DPYD: variants seen among roughly 807,000 people sequenced by gnomAD.
The protein encoded by DPYD is dihydropyrimidine dehydrogenase [NADP(+)].
A neutral mutation model predicts 116.2 loss-of-function variants in DPYD; 109 were observed. That is an observed-to-expected ratio of 0.94 (90% confidence interval 0.80 to 1.10). The LOEUF is 1.10. DPYD is among the 50% of genes least tolerant of loss of function. DPYD has a pLI of 0.00. For missense variants in DPYD, 1,302 were observed against 1,254.5 expected (o/e 1.04, Z -0.57); for synonymous variants, 440 against 432.0 (o/e 1.02, Z -0.23).
intron 2 of DPYD, among the ~76,000 whole-genome samples, chr1:97,843,651 T>C (rs1296710738): frequency 1.3e-5 from 2 of 152,204 alleles, no homozygotes; most frequent in Admixed American, 1.3e-4. Context: ...TTTCTTTCCA[T>C]AAGAAGTCAA....
At chr1:97,470,106 A>G (rs530966370) in intron 13 of DPYD, among the ~76,000 whole-genome samples, 1 of 152,346 alleles carries the variant, frequency 6.6e-6, no homozygotes, top group African/African-American at 2.4e-5. Flanking sequence ...ACAGGTATAT[A>G]TTGATTCTCA....
At chr1:97,544,532 G>T (rs953361428) in intron 12 of DPYD, among the ~76,000 whole-genome samples, 1 of 151,768 alleles carries the variant, frequency 6.6e-6, no homozygotes, top group East Asian at 1.9e-4. Flanking sequence ...ATAGCTAAAG[G>T]TCTGTTTCTC....
intron 3 of DPYD, among the ~76,000 whole-genome samples, chr1:97,756,477 T>C (rs886321573): frequency 1.3e-5 from 2 of 152,188 alleles, no homozygotes; most frequent in Non-Finnish European, 2.9e-5. Flanking sequence ...ATGCCTTCCA[T>C]ATGATGAGAC....
At chr1:97,399,423 A>T (rs1223190898) in intron 14 of DPYD, among the ~76,000 whole-genome samples, 1 of 151,998 alleles carries the variant, frequency 6.6e-6, no homozygotes, top group Non-Finnish European at 1.5e-5. Context: ...TTGACTTGGC[A>T]ATGTGGGCTC....
At chr1:97,822,423 TTA>T (rs1273559754) in intron 3 of DPYD, among the ~76,000 whole-genome samples, 1 of 148,464 alleles carries the variant, frequency 6.7e-6, no homozygotes, top group Non-Finnish European at 1.5e-5. Context: ...ATATATACAT[TTA>T]TATATATTTA....
At chr1:97,285,031 G>A (rs944224338) in intron 18 of DPYD, among the ~76,000 whole-genome samples, 17 of 152,142 alleles carry the variant, frequency 1.1e-4, no homozygotes, top group African/African-American at 2.4e-4. Flanking sequence ...TGATGCTAAC[G>A]GGTCTGGATC....
chr1:97,912,894 G>A (rs1674027176), intron 1 of DPYD, among the ~76,000 whole-genome samples: 1 of 152,094 alleles, frequency 6.6e-6, no homozygotes, highest in Non-Finnish European at 1.5e-5. Flanking sequence ...AAGCTCTCAG[G>A]TCACTGTGGT....
chr1:97,348,802 T>C (rs114588763), intron 16 of DPYD, among the ~76,000 whole-genome samples: 2,048 of 152,160 alleles, frequency 0.013, 21 homozygotes, highest in Middle Eastern at 0.034. Context: ...TCTCATGCAG[T>C]TGGCGGACAG....
intron 13 of DPYD, among the ~76,000 whole-genome samples, chr1:97,484,430 A>G (rs1678501636): frequency 6.6e-6 from 1 of 152,234 alleles, no homozygotes; most frequent in Non-Finnish European, 1.5e-5. Context: ...TTTTCACTCT[A>G]GAATTTTCTA....
intron 3 of DPYD, among the ~76,000 whole-genome samples, chr1:97,764,928 T>C (rs994200733): frequency 6.6e-6 from 1 of 152,192 alleles, no homozygotes; most frequent in Non-Finnish European, 1.5e-5. Flanking sequence ...TGAGATGTTA[T>C]AGTTTAAGTA....
intron 8 of DPYD, among the ~76,000 whole-genome samples, chr1:97,638,267 G>C (rs1657682993): frequency 6.6e-6 from 1 of 152,116 alleles, no homozygotes; most frequent in Admixed American, 6.5e-5. Flanking sequence ...GAGGCACACA[G>C]ACATATGTAC....
chr1:97,655,693 T>A (rs1221484963), intron 8 of DPYD, among the ~76,000 whole-genome samples: 3 of 152,260 alleles, frequency 2.0e-5, no homozygotes, highest in East Asian at 3.9e-4. Flanking sequence ...AGCATAGGAA[T>A]ACACAAAGCA....
chr1:97,700,495 A>G (rs1039440209), intron 5 of DPYD, among the ~76,000 whole-genome samples: 1 of 152,016 alleles, frequency 6.6e-6, no homozygotes, highest in Non-Finnish European at 1.5e-5. Context: ...AAGTAGGGCA[A>G]ATGAGGGGTA....
At chr1:97,902,803 C>A (rs1673430311) in intron 1 of DPYD, among the ~76,000 whole-genome samples, 1 of 151,726 alleles carries the variant, frequency 6.6e-6, no homozygotes, top group African/African-American at 2.4e-5. Flanking sequence ...AACAATCTAC[C>A]TTTTAAGACT....
intron 1 of DPYD, among the ~76,000 whole-genome samples, chr1:97,910,869 A>G (rs1279597407): frequency 1.3e-5 from 2 of 152,028 alleles, no homozygotes; most frequent in African/African-American, 4.8e-5. Flanking sequence ...TAGTTTTCTT[A>G]AAATCTGTTA....
chr1:97,850,674 G>A (rs1670526163), intron 2 of DPYD, among the ~76,000 whole-genome samples: 1 of 151,954 alleles, frequency 6.6e-6, no homozygotes, highest in African/African-American at 2.4e-5. Flanking sequence ...AAAAACACAG[G>A]AGATCACAGT....
chr1:97,789,201 A>G (rs546112876), intron 3 of DPYD, among the ~76,000 whole-genome samples: 1 of 152,306 alleles, frequency 6.6e-6, no homozygotes, highest in South Asian at 2.1e-4. Context: ...GAATCTGGCT[A>G]ATGTCCACAT....
chr1:97,161,213 A>G lies in DPYD; in HGVS notation c.2622+31856T>C, dbSNP rs149710633. On this transcript the variant is annotated intron_variant, in intron 20 of 22. Transcript: ENST00000370192. ...TCTTCAAGGATTTTTCCCTTAAATA[A>G]AGTGTCTTACACAGTTACAGGGAAT... 5.2e-3 allele frequency among the ~76,000 whole-genome samples: 791 copies of G among 152,266 alleles called. 15 individuals are homozygous for G. The highest frequency in any genetic ancestry group is 0.018 in the African/African-American group (752 of 41,556).
At chr1:97,742,832 G>T (rs2101075982) in intron 3 of DPYD, among the ~76,000 whole-genome samples, 1 of 152,126 alleles carries the variant, frequency 6.6e-6, no homozygotes, top group South Asian at 2.1e-4. Flanking sequence ...TTGAAAAAAA[G>T]TCTTTTAAAC....
Sources: allele counts gnomAD v4.1 joint callset (sites outside exome capture counted in the v4.1 genomes callset), GRCh38; gene constraint gnomAD v4.1.1; transcripts MANE v1.5; gene names NCBI Gene and HGNC (gene_info 2026-07-23, HGNC 2026-07-21).